The following ADAMTS7 variants were observed in gnomAD, a reference collection of about 807,000 sequenced individuals.
ADAMTS7 encodes ADAM metallopeptidase with thrombospondin type 1 motif 7.
In ADAMTS7, 89 loss-of-function variants were observed where a neutral mutation model predicts 172.6. The ratio of observed to expected loss-of-function variants is 0.52; its 90% confidence interval spans 0.43 to 0.61. ADAMTS7 has a LOEUF of 0.61. Among genes scored for constraint, ADAMTS7 ranks in the 20% least tolerant of loss-of-function variants. The pLI is 0.00. For missense variants in ADAMTS7, 1,973 were observed against 2,355.6 expected, an observed-to-expected ratio of 0.84 and a Z score of 3.36; for synonymous variants, 885 against 978.4, an observed-to-expected ratio of 0.90 and a Z score of 1.78.
intron 23 of ADAMTS7, 122 bp downstream of exon 23, chr15:78,762,281 G>T (rs2055057369): frequency 8.3e-7 from 1 of 1,203,268 alleles, no homozygotes; most frequent in Non-Finnish European, 1.1e-6. Flanking sequence ...TGTGGCTCCT[G>T]AGCCCAGACT....
intron 7 of ADAMTS7, 36 bp from the exon 8 acceptor site, chr15:78,788,410 C>A (rs374964762): frequency 6.2e-7 from 1 of 1,605,122 alleles, no homozygotes; most frequent in African/African-American, 1.3e-5. Flanking sequence ...GCGGGTGAGC[C>A]GGCGGGAGGC....
Position 78,764,072 on chromosome 15 carries a change from A to G in ADAMTS7, c.4447T>C (p.Ser1483Pro). ...KCSRSCGGGS[S>P]VRDVQCVDTR... ...TCCACACACTGCACGTCCCGCACTGAGGAACCTCCGCCGCAGCTGCGGGAG... is the reference window on the plus strand; with the variant it reads ...TCCACACACTGCACGTCCCGCACTGGGGAACCTCCGCCGCAGCTGCGGGAG... Residue 1483 changes from serine to proline, a missense_variant, in exon 21 of 24, where the codon TCA (serine) becomes CCA (proline). Ser to Pro is a moderately conservative substitution (Grantham distance 74). Coordinates refer to ENST00000388820, the MANE Select transcript of ADAMTS7 (RefSeq NM_014272.5). 6.5e-7 allele frequency: 1 copy of G among 1,529,886 alleles called. No homozygotes were observed. Among genetic ancestry groups the G allele is most frequent in the Non-Finnish European group, 8.8e-7 (1 of 1,135,414 alleles). The allele number at this position is 1,529,886 out of a possible 1,614,324, so 94.8% of individuals were successfully genotyped here. A position where few individuals can be genotyped will look rare whatever the true frequency, so the allele number is the denominator to read the frequency against.
chr15:78,774,236 G>T lies in ADAMTS7; in HGVS notation c.1941C>A (p.Ala647=), dbSNP rs374065655. 1 of 1,585,596 alleles carries T rather than the reference G, an allele frequency of 6.3e-7. No homozygotes were observed. The highest frequency in any genetic ancestry group is 1.1e-5 in the South Asian group (1 of 88,688). ...NEYFAEKLRD[A]VVDGTPCYQV... is the part of the protein sequence containing the mutation. ...GGTAGCAGGGGGTGCCATCGACCAC[G>T]GCGTCCCGCAGCTTCTCGGCAAAGT... The change falls in exon 13 of 24, where the codon GCC becomes GCA. Residue 647 remains alanine, a synonymous_variant. Coordinates refer to ENST00000388820, the MANE Select transcript of ADAMTS7 (RefSeq NM_014272.5).
In ADAMTS7 at chr15:78,771,861, C is replaced by A; in HGVS notation, c.2132-32G>T. 6.3e-7 allele frequency: 1 copy of A among 1,596,358 alleles called. No homozygotes were observed. The highest frequency in any genetic ancestry group is 1.1e-5 in the South Asian group (1 of 89,852). On this transcript the variant is annotated intron_variant, in intron 14 of 23. Coordinates refer to ENST00000388820, the MANE Select transcript of ADAMTS7 (RefSeq NM_014272.5). This position sits in a 1 kb window ranked among gnomAD's most constrained non-coding sequence, Gnocchi z 4.9. The stretch of plus-strand genomic sequence containing the variant: ...GCCAAGGGTTGTGCATAGGTTGTGC[C>A]CAGGGTGAGAGGGTTGCTTATCCCC...
In ADAMTS7 at chr15:78,798,065, C is replaced by G; in HGVS notation, c.505G>C (p.Asp169His). 6.4e-7 allele frequency: 1 copy of G among 1,567,874 alleles called. No individual in the cohort carries two copies. Among genetic ancestry groups the G allele is most frequent in the Non-Finnish European group, 8.6e-7 (1 of 1,164,484 alleles). Residue 169 changes from aspartate (D) to histidine (H), a missense_variant, in exon 3 of 24, where the codon GAC becomes CAC. Transcript: ENST00000388820. ...TGGCCAGGCCGGGCCGGGGCACTGT[C>G]CAGGGGCTCAATGAAGTAGTCCTCG... Reference protein sequence around the residue: ...SNEDYFIEPLDSAPARPGHAQ... With the variant: ...SNEDYFIEPLHSAPARPGHAQ...
chr15:78,786,599 G>C (rs2055505666), intron 8 of ADAMTS7, among the ~76,000 whole-genome samples: 1 of 152,102 alleles, frequency 6.6e-6, no homozygotes, highest in Non-Finnish European at 1.5e-5. Context: ...TGAAGACACG[G>C]GAGGAAAGAG....
intron 7 of ADAMTS7, among the ~76,000 whole-genome samples, chr15:78,789,424 C>T (rs533506414): frequency 1.4e-4 from 21 of 152,348 alleles, no homozygotes; most frequent in Non-Finnish European, 1.3e-4. Context: ...AATGATTTTC[C>T]GGCCCATCAC....
rs982549720 is a variant in ADAMTS7, at chr15:78,794,393, G to T, written c.819+2197C>A. Reference sequence around the variant, plus strand: ...CTCCACAGTCCAGGCTTCCTCAGAGGCTGGCCATATGGGTTCCCATGTCCC... The same window carrying T: ...CTCCACAGTCCAGGCTTCCTCAGAGTCTGGCCATATGGGTTCCCATGTCCC... On this transcript the variant is annotated intron_variant, in intron 4 of 23. Coordinates refer to ENST00000388820, the MANE Select transcript of ADAMTS7 (RefSeq NM_014272.5). 6.6e-5 allele frequency among the ~76,000 whole-genome samples: 10 copies of T among 152,368 alleles called. 1 individual carries two copies. The highest frequency in any genetic ancestry group is 1.9e-4 in the East Asian group (1 of 5,184).
chr15:78,784,175 C>G (rs113477670), intron 8 of ADAMTS7, among the ~76,000 whole-genome samples: 1 of 151,856 alleles, frequency 6.6e-6, no homozygotes, highest in African/African-American at 2.4e-5. Flanking sequence ...CTGAGCAACA[C>G]GGCAAAACCC....
chr15:78,796,626 C>T lies in ADAMTS7; in HGVS notation c.783G>A (p.Pro261=), dbSNP rs753597869. ...DAKMVEYHGQ[P]QVESYVLTIM... is the part of the protein sequence containing the mutation. The stretch of plus-strand genomic sequence containing the variant: ...TGGTCAGCACATAGCTCTCAACCTG[C>T]GGCTGTCCGTGGTACTCCACCATTT... The change falls in exon 4 of 24, where the codon CCG becomes CCA. Residue 261 remains proline, a synonymous_variant. Coordinates refer to ENST00000388820, the MANE Select transcript of ADAMTS7 (RefSeq NM_014272.5). 3.9e-5 allele frequency: 63 copies of T among 1,613,836 alleles called. No homozygotes were observed. The highest frequency in any genetic ancestry group is 2.9e-4 in the East Asian group (13 of 44,892).
At chr15:78,806,091 A>AACACACACACACACAC (rs1216857182) in intron 1 of ADAMTS7, among the ~76,000 whole-genome samples, 1 of 27,414 alleles carries the variant, frequency 3.6e-5, no homozygotes, top group African/African-American at 1.5e-4. Context: ...CCCCCCCAAA[A>AACACACACACACACAC]ACACACACAC....
At chr15:78,767,688 G>A in intron 17 of ADAMTS7, 96 bp from the exon 18 acceptor site, 1 of 1,190,894 alleles carries the variant, frequency 8.4e-7, no homozygotes, top group Non-Finnish European at 1.2e-6. Flanking sequence ...CAGGCCCTCG[G>A]CATTTGGGTA....
At chr15:78,788,929 T>C (rs1308965438) in intron 7 of ADAMTS7, among the ~76,000 whole-genome samples, 1 of 152,254 alleles carries the variant, frequency 6.6e-6, no homozygotes, top group Non-Finnish European at 1.5e-5. Flanking sequence ...TTCTCATTAT[T>C]ACCCTCAGGA....
At chr15:78,805,458 A>T (rs543496654) in intron 1 of ADAMTS7, among the ~76,000 whole-genome samples, 1 of 152,204 alleles carries the variant, frequency 6.6e-6, no homozygotes, top group Non-Finnish European at 1.5e-5. Context: ...TGGAGCAGTG[A>T]GTTCCCTTTA....
chr15:78,800,191 C>A lies in ADAMTS7; in HGVS notation c.456+1G>T, dbSNP rs1230252421. The A allele has an allele frequency of 6.3e-7, 1 of 1,592,516 alleles. No homozygotes were observed. Among genetic ancestry groups the A allele is most frequent in the African/African-American group, 1.3e-5 (1 of 74,444 alleles). On this transcript the variant is annotated splice_donor_variant, in intron 2 of 23. Coordinates refer to ENST00000388820, the MANE Select transcript of ADAMTS7 (RefSeq NM_014272.5). LOFTEE classifies it high-confidence loss of function. Reference sequence around the variant, plus strand: ...AAGTATACATGTCCCAGCTCACTCACCAGGCCGTCGCAGGCGCTGATGGCC... The same window carrying A: ...AAGTATACATGTCCCAGCTCACTCAACAGGCCGTCGCAGGCGCTGATGGCC...
intron 1 of ADAMTS7, among the ~76,000 whole-genome samples, chr15:78,802,776 C>A (rs1359721479): frequency 3.3e-5 from 5 of 152,158 alleles, no homozygotes; most frequent in Admixed American, 3.3e-4. Flanking sequence ...GCAGGCAAAT[C>A]ACTTGAGCTC....
chr15:78,806,125 CACAAAAAAAAAAAA>C (rs2055790892), intron 1 of ADAMTS7, among the ~76,000 whole-genome samples: 1 of 18,352 alleles, frequency 5.4e-5, no homozygotes, highest in African/African-American at 1.6e-4. Flanking sequence ...CACACACACA[CACAAAAAAAAAAAA>C]AAAAAAAAAA....
chr15:78,771,605 T>G lies in ADAMTS7; in HGVS notation c.2356A>C (p.Lys786Gln). ...WENLTSPGPTKEPVWIQLLFQ... is the reference protein window; with the variant it reads ...WENLTSPGPTQEPVWIQLLFQ... ...GGCACCTGGATCCAGACAGGCTCCTTGGTGGGACCCGGGGACGTGAGGTTC... is the reference window on the plus strand; with the variant it reads ...GGCACCTGGATCCAGACAGGCTCCTGGGTGGGACCCGGGGACGTGAGGTTC... Residue 786 changes from lysine (K) to glutamine (Q), a missense_variant, in exon 15 of 24, where the codon AAG (lysine) becomes CAG (glutamine). Transcript: ENST00000388820. The surrounding 1 kb of genome is among the most constrained non-coding windows in gnomAD (Gnocchi z 4.9). 6.2e-7 allele frequency: 1 copy of G among 1,600,160 alleles called. No homozygotes were observed. Among genetic ancestry groups the G allele is most frequent in the Non-Finnish European group, 8.5e-7 (1 of 1,178,672 alleles).
chr15:78,766,741 G>A lies in ADAMTS7; in HGVS notation c.3170C>T (p.Pro1057Leu), dbSNP rs750295909. 3.7e-5 allele frequency: 60 copies of A among 1,610,550 alleles called. No individual in the cohort carries two copies. The highest frequency in any genetic ancestry group is 5.0e-5 in the Non-Finnish European group (59 of 1,179,840). ...GTAGTAGAAGTCGTCCACAAACACG[G>A]GCCCCGGCAGGTCCAGCTCTGGAGC... ...EEAPELDLPG[P>L]VFVDDFYYDY... Residue 1057 changes from proline (P) to leucine (L), a missense_variant, in exon 19 of 24, where the codon CCC (proline) becomes CTC (leucine). Physicochemically the swap from Pro to Leu is moderately conservative, Grantham distance 98. This residue lies in a region of ADAMTS7 where 771 missense variants were observed against 952.6 expected (regional missense o/e 0.81). Coordinates refer to ENST00000388820, the MANE Select transcript of ADAMTS7 (RefSeq NM_014272.5).
Sources: allele counts gnomAD v4.1 joint callset (sites outside exome capture counted in the v4.1 genomes callset), GRCh38; gene constraint gnomAD v4.1.1; regional missense constraint gnomAD v4.1.1; non-coding constraint Gnocchi (gnomAD v3.1); transcripts MANE v1.5; gene names NCBI Gene and HGNC (gene_info 2026-07-23, HGNC 2026-07-21).